The following SHC3 variants were observed in gnomAD, a reference collection of about 807,000 sequenced individuals.
The protein encoded by SHC3 is SHC-transforming protein 3.
In SHC3, 15 loss-of-function variants were observed where a neutral mutation model predicts 60.4. The ratio of observed to expected loss-of-function variants is 0.25; its 90% confidence interval spans 0.17 to 0.38. The LOEUF (loss-of-function observed/expected upper bound fraction) is 0.38. Ranked by LOEUF, SHC3 falls within the 10% of genes least tolerant of loss-of-function variation. The pLI is 1.00. For synonymous variants in SHC3, 294 were observed against 325.9 expected (o/e 0.90, Z 1.05); for missense variants, 677 against 786.1 (o/e 0.86, Z 1.66).
chr9:89,040,865 T>C (rs933113027), intron 10 of SHC3, among the ~76,000 whole-genome samples: 1 of 152,202 alleles, frequency 6.6e-6, no homozygotes, highest in African/African-American at 2.4e-5. Flanking sequence ...AGAGAAACAG[T>C]GTTGTTTTCA....
intron 1 of SHC3, among the ~76,000 whole-genome samples, chr9:89,177,180 G>A (rs1437663354): frequency 6.6e-6 from 1 of 152,216 alleles, no homozygotes; most frequent in Non-Finnish European, 1.5e-5. Flanking sequence ...ACTGTGCTGA[G>A]CATTTTTCCT....
intron 11 of SHC3, among the ~76,000 whole-genome samples, chr9:89,030,098 TAAAAC>T (rs1331224382): frequency 6.6e-6 from 1 of 152,046 alleles, no homozygotes; most frequent in Non-Finnish European, 1.5e-5. Flanking sequence ...AAATAGATTT[TAAAAC>T]AAAAGAAGCA....
chr9:89,016,981 T>A (rs9410293), intron 11 of SHC3, among the ~76,000 whole-genome samples: 108,665 of 151,702 alleles, frequency 0.72, 39,944 homozygotes, highest in African/African-American at 0.83. Context: ...TTTTTTCTTT[T>A]AAAAAAAGGT....
intron 1 of SHC3, among the ~76,000 whole-genome samples, chr9:89,139,634 C>A (rs918671427): frequency 6.6e-6 from 1 of 152,218 alleles, no homozygotes; most frequent in African/African-American, 2.4e-5. Flanking sequence ...CTTTACTTAT[C>A]ACACAGGTCA....
intron 1 of SHC3, among the ~76,000 whole-genome samples, chr9:89,145,777 C>T (rs1040337506): frequency 1.3e-5 from 2 of 151,842 alleles, no homozygotes; most frequent in African/African-American, 4.8e-5. Context: ...CTAAAGTCCT[C>T]GGGAATAGGG....
chr9:89,080,316 T>C (rs1174146058), intron 2 of SHC3, among the ~76,000 whole-genome samples: 2 of 152,116 alleles, frequency 1.3e-5, no homozygotes, highest in Non-Finnish European at 2.9e-5. Context: ...AATCAAGACC[T>C]CAGAACTCGG....
chr9:89,066,953 T>A (rs1825193372), intron 5 of SHC3, among the ~76,000 whole-genome samples: 1 of 152,136 alleles, frequency 6.6e-6, no homozygotes, highest in Admixed American at 6.5e-5. Context: ...CCGCTGGATC[T>A]TACACAGCCC....
chr9:89,052,305 C>T, intron 6 of SHC3, 142 bp from the exon 7 acceptor site: 1 of 991,686 alleles, frequency 1.0e-6, no homozygotes, highest in South Asian at 1.9e-5. Flanking sequence ...CCAACCACAG[C>T]TTTATCTCCA....
At chr9:89,026,214 A>G (rs921117658) in intron 11 of SHC3, among the ~76,000 whole-genome samples, 6 of 145,712 alleles carry the variant, frequency 4.1e-5, no homozygotes, top group Non-Finnish European at 7.5e-5. Context: ...AGATTGCGCC[A>G]CTGTACTCTA....
At chr9:89,131,700 AT>A (rs1183481144) in intron 1 of SHC3, among the ~76,000 whole-genome samples, 1 of 152,196 alleles carries the variant, frequency 6.6e-6, no homozygotes, top group Non-Finnish European at 1.5e-5. Flanking sequence ...TTTCAACAAA[AT>A]TCAACAGCGC....
At position 89,178,244 on chromosome 9, in the gene SHC3, G is replaced by A; in HGVS notation, c.217C>T (p.His73Tyr). 1 of 1,518,448 alleles carries A rather than the reference G, an allele frequency of 6.6e-7. No homozygotes were observed. Among genetic ancestry groups the A allele is most frequent in the Non-Finnish European group, 8.8e-7 (1 of 1,135,380 alleles). The allele number at this position is 1,518,448 out of a possible 1,614,324, so 94.1% of individuals were successfully genotyped here. A position where few individuals can be genotyped will look rare whatever the true frequency, so the allele number is the denominator to read the frequency against. ...SLGHLLHKVS[H>Y]LKLSSSGLRG... ...AGGCCCGAGCTGGAGAGTTTCAGGT[G>A]GGACACCTTGTGGAGCAGGTGGCCC... Residue 73 changes from histidine to tyrosine, a missense_variant, in exon 1 of 12, where the codon CAC becomes TAC. Physicochemically the swap from His to Tyr is moderately conservative, Grantham distance 83. Transcript: ENST00000375835. This position sits in a 1 kb window ranked among gnomAD's most constrained non-coding sequence, Gnocchi z 6.9.
chr9:89,026,264 A>G (rs1826299047), intron 11 of SHC3, among the ~76,000 whole-genome samples: 1 of 151,828 alleles, frequency 6.6e-6, no homozygotes, highest in Non-Finnish European at 1.5e-5. Context: ...CAAAAAAAAA[A>G]AAAAAAAAAA....
intron 1 of SHC3, among the ~76,000 whole-genome samples, chr9:89,129,136 T>G (rs1826205964): frequency 6.6e-6 from 1 of 152,058 alleles, no homozygotes; most frequent in Non-Finnish European, 1.5e-5. Flanking sequence ...CTGATTTGAT[T>G]AAGTGGAAGA....
At chr9:89,161,227 C>A (rs1219642293) in intron 1 of SHC3, among the ~76,000 whole-genome samples, 1 of 152,154 alleles carries the variant, frequency 6.6e-6, no homozygotes, top group Non-Finnish European at 1.5e-5. Flanking sequence ...TTTAGCACCA[C>A]CCCCTTCATG....
intron 11 of SHC3, among the ~76,000 whole-genome samples, chr9:89,031,610 T>G (rs916897168): frequency 6.6e-6 from 1 of 152,248 alleles, no homozygotes; most frequent in Non-Finnish European, 1.5e-5. Flanking sequence ...ATTGTATGGA[T>G]ATACGACATT....
chr9:89,059,355 ATGTAGTGGAGG>A (rs1825025970), intron 6 of SHC3, among the ~76,000 whole-genome samples: 1 of 109,918 alleles, frequency 9.1e-6, no homozygotes, highest in African/African-American at 6.9e-5. Context: ...GTGGTGGAGG[ATGTAGTGGAGG>A]ATGCGGTGGA....
At chr9:89,079,627 A>T (rs1046105637) in intron 2 of SHC3, among the ~76,000 whole-genome samples, 2 of 152,254 alleles carry the variant, frequency 1.3e-5, no homozygotes, top group Non-Finnish European at 2.9e-5. Context: ...AGCTTGCAAC[A>T]GGACCCAGCT....
chr9:89,088,518 C>T (rs999138579), intron 2 of SHC3: 1 of 152,210 alleles, frequency 6.6e-6, no homozygotes, highest in African/African-American at 2.4e-5. Flanking sequence ...CAGAGTTTGA[C>T]TGTTTTTGTC....
intron 11 of SHC3, among the ~76,000 whole-genome samples, chr9:89,035,830 AATATATATATATAT>A (rs1185604208): frequency 9.4e-6 from 1 of 106,440 alleles, no homozygotes; most frequent in African/African-American, 3.3e-5. Flanking sequence ...AAACAAACAA[AATATATATATATAT>A]ATATAGATGT....
Sources: allele counts gnomAD v4.1 joint callset (sites outside exome capture counted in the v4.1 genomes callset), GRCh38; gene constraint gnomAD v4.1.1; non-coding constraint Gnocchi (gnomAD v3.1); transcripts MANE v1.5; gene names NCBI Gene and HGNC (gene_info 2026-07-23, HGNC 2026-07-21).